The following ZC3H3 variants were observed in gnomAD, a reference collection of about 807,000 sequenced individuals.
ZC3H3 encodes zinc finger CCCH-type containing 3.
ZC3H3 carries 36 observed loss-of-function variants against 77.3 expected under a neutral mutation model. That is an observed-to-expected ratio of 0.47 (90% confidence interval 0.36 to 0.61). The LOEUF (loss-of-function observed/expected upper bound fraction) is 0.61, where lower values mean the gene tolerates loss of function less well. Among genes scored for constraint, ZC3H3 ranks in the 20% least tolerant of loss-of-function variants. The probability of loss-of-function intolerance (pLI) is 0.00; values close to 1 mark genes in which losing one functional copy is unlikely to be tolerated. For synonymous variants in ZC3H3, 626 were observed against 555.2 expected, an observed-to-expected ratio of 1.13 and a Z score of -1.79; for missense variants, 1,331 against 1,312.2, an observed-to-expected ratio of 1.01 and a Z score of -0.22.
intron 4 of ZC3H3, among the ~76,000 whole-genome samples, chr8:143,499,356 G>A (rs933729067): frequency 1.3e-4 from 20 of 152,222 alleles, no homozygotes; most frequent in African/African-American, 3.9e-4. Context: ...AGTGGCAAGG[G>A]CTCCCAGCCC....
At position 143,455,715 on chromosome 8, in the gene ZC3H3, G is replaced by T. The variant is rs536767016; in HGVS notation, c.2307+10002C>A. 4.6e-5 allele frequency among the ~76,000 whole-genome samples: 7 copies of T among 152,280 alleles called. No homozygotes were observed. In the East Asian group the frequency reaches 1.4e-3, roughly 29 times the overall value. The stretch of plus-strand genomic sequence containing the variant: ...CAGCCGGGCGTGATGGCTCATGCCT[G>T]TGATCCCAGCACTTTGGGAGACCTA... On this transcript the variant is annotated intron_variant, in intron 9 of 11. Transcript: ENST00000262577.
At chr8:143,519,847 C>T (rs755355290) in intron 3 of ZC3H3, among the ~76,000 whole-genome samples, 1 of 152,186 alleles carries the variant, frequency 6.6e-6, no homozygotes, top group Non-Finnish European at 1.5e-5. Context: ...AGGACACCCC[C>T]GCAGTCCCAG....
chr8:143,467,475 G>C (rs1820441743), intron 8 of ZC3H3, among the ~76,000 whole-genome samples: 1 of 152,194 alleles, frequency 6.6e-6, no homozygotes, highest in Non-Finnish European at 1.5e-5. Flanking sequence ...AGCTCTATTA[G>C]GGAGAAAAAT....
At chr8:143,527,331 A>G (rs1822446393) in intron 3 of ZC3H3, among the ~76,000 whole-genome samples, 1 of 152,130 alleles carries the variant, frequency 6.6e-6, no homozygotes, top group Non-Finnish European at 1.5e-5. Flanking sequence ...AATCCATTCA[A>G]CAAAAGGAGC....
chr8:143,504,259 C>T (rs1307865399), intron 4 of ZC3H3, among the ~76,000 whole-genome samples: 1 of 152,154 alleles, frequency 6.6e-6, no homozygotes, highest in East Asian at 1.9e-4. Flanking sequence ...GGAGAGGGGC[C>T]CCTTCTCGTG....
chr8:143,465,828 G>A lies in ZC3H3; in HGVS notation c.2196C>T (p.Phe732=). The change falls in exon 9 of 12, where the codon TTC becomes TTT. Residue 732 remains phenylalanine (F), a synonymous_variant. Coordinates refer to ENST00000262577, the MANE Select transcript of ZC3H3 (RefSeq NM_015117.3). ...TGCTGTTGCTGCAGATGCCCTTCAG[G>A]AAGTAGGAGCACACCGGCATCTGCA... ...SKEKMPVCSY[F]LKGICSNSNC... is the part of the protein sequence containing the mutation. 6.2e-7 allele frequency: 1 copy of A among 1,612,662 alleles called. No homozygotes were observed. Among genetic ancestry groups the A allele is most frequent in the South Asian group, 1.1e-5 (1 of 91,080 alleles).
intron 4 of ZC3H3, among the ~76,000 whole-genome samples, chr8:143,482,853 C>T (rs73715620): frequency 0.019 from 2,827 of 152,254 alleles, 75 homozygotes; most frequent in African/African-American, 0.063. Flanking sequence ...AAGGGCTGAG[C>T]GAGGTCTTGG....
chr8:143,485,167 T>C (rs1821018796), intron 4 of ZC3H3, among the ~76,000 whole-genome samples: 1 of 152,288 alleles, frequency 6.6e-6, no homozygotes, highest in South Asian at 2.1e-4. Flanking sequence ...TTATGGAGCA[T>C]GAGTCCCCCT....
At chr8:143,478,382 AGGGCCTCT>A (rs1163107032) in intron 4 of ZC3H3, among the ~76,000 whole-genome samples, 1 of 152,212 alleles carries the variant, frequency 6.6e-6, no homozygotes, top group Admixed American at 6.5e-5. Flanking sequence ...CAGAGGCATC[AGGGCCTCT>A]GGGGGTCAGC....
chr8:143,537,896 G>T, intron 2 of ZC3H3, 107 bp downstream of exon 2: 2 of 1,168,990 alleles, frequency 1.7e-6, no homozygotes, highest in Non-Finnish European at 2.4e-6. Flanking sequence ...CTGGAAATGT[G>T]AACGCAACTG....
At chr8:143,466,723 C>G (rs559191466) in intron 8 of ZC3H3, among the ~76,000 whole-genome samples, 1 of 152,150 alleles carries the variant, frequency 6.6e-6, no homozygotes, top group African/African-American at 2.4e-5. Flanking sequence ...CCCCACAGAG[C>G]CCCTGCCAGC....
intron 5 of ZC3H3, among the ~76,000 whole-genome samples, chr8:143,474,640 T>C (rs1475111922): frequency 6.6e-6 from 1 of 152,164 alleles, no homozygotes; most frequent in African/African-American, 2.4e-5. Flanking sequence ...GCTGAACCTG[T>C]TCTCTCTCTA....
At chr8:143,483,589 C>T (rs372961837) in intron 4 of ZC3H3, among the ~76,000 whole-genome samples, 11 of 152,256 alleles carry the variant, frequency 7.2e-5, no homozygotes, top group Middle Eastern at 3.4e-3. Context: ...GGGTGCTAGG[C>T]GGGCTCCCGG....
chr8:143,512,604 G>C (rs556907545), intron 3 of ZC3H3, among the ~76,000 whole-genome samples: 1 of 152,192 alleles, frequency 6.6e-6, no homozygotes, highest in Non-Finnish European at 1.5e-5. Context: ...ACGGCCTAAA[G>C]AGAGGGCAGG....
chr8:143,447,119 C>T (rs1470100694), intron 9 of ZC3H3, among the ~76,000 whole-genome samples: 2 of 152,256 alleles, frequency 1.3e-5, no homozygotes, highest in African/African-American at 4.8e-5. Context: ...CACAGCAGCT[C>T]CCTCACCACC....
At chr8:143,451,628 A>AT (rs1819989743) in intron 9 of ZC3H3, among the ~76,000 whole-genome samples, 1 of 151,996 alleles carries the variant, frequency 6.6e-6, no homozygotes, top group African/African-American at 2.4e-5. Flanking sequence ...TACTAAAAAT[A>AT]TAAAAATTAG....
intron 3 of ZC3H3, 93 bp downstream of exon 3, chr8:143,536,164 G>A (rs575473512): frequency 7.0e-7 from 1 of 1,419,774 alleles, no homozygotes; most frequent in Admixed American, 2.2e-5. Flanking sequence ...CTACCAGCAT[G>A]AGGCAGGGAA....
rs139979449 is a variant in ZC3H3, at chr8:143,479,184, G to T, written c.1716-3599C>A. On this transcript the variant is annotated intron_variant, in intron 4 of 11. Coordinates refer to ENST00000262577, the MANE Select transcript of ZC3H3 (RefSeq NM_015117.3). ...CGGGGGTGACGGAGAGCTGTCTAGG[G>T]TTGCCCTCACCCCTGCCCTCGCCCT... is the stretch of plus-strand genomic sequence containing the variant. Among the ~76,000 whole-genome samples the T allele has an allele frequency of 2.6e-4, 40 of 152,352 alleles. 1 individual carries two copies. The highest frequency in any genetic ancestry group is 8.9e-4 in the African/African-American group (37 of 41,570).
At chr8:143,482,721 C>T (rs139140518) in intron 4 of ZC3H3, among the ~76,000 whole-genome samples, 16 of 152,308 alleles carry the variant, frequency 1.1e-4, no homozygotes, top group Admixed American at 7.2e-4. Flanking sequence ...CCGAGAAGGG[C>T]GAGCCTGTCC....
Sources: gnomAD v4.1 joint callset for allele counts (sites outside exome capture counted in the v4.1 genomes callset) on GRCh38, gnomAD v4.1.1 for gene constraint, MANE v1.5 for transcripts, NCBI Gene and HGNC (gene_info 2026-07-23, HGNC 2026-07-21) for gene names.